AGPAT3: variants seen among roughly 807,000 people sequenced by gnomAD.
The protein encoded by AGPAT3 is 1-acylglycerol-3-phosphate O-acyltransferase 3.
In AGPAT3, 5 loss-of-function variants were observed where a neutral mutation model predicts 47.3. The ratio of observed to expected loss-of-function variants is 0.11; its 90% CI spans 0.06 to 0.22. The LOEUF (loss-of-function observed/expected upper bound fraction) is 0.22. Among genes scored for constraint, AGPAT3 ranks in the 10% least tolerant of loss-of-function variants. The probability of loss-of-function intolerance (pLI) is 1.00; values close to 1 mark genes in which losing one functional copy is unlikely to be tolerated. For missense variants in AGPAT3, 315 were observed against 493.0 expected, an observed-to-expected ratio of 0.64 and a Z score of 3.42; for synonymous variants, 212 against 208.3, an observed-to-expected ratio of 1.02 and a Z score of -0.15.
intron 1 of AGPAT3, among the ~76,000 whole-genome samples, chr21:43,887,588 A>G (rs909236316): frequency 1.3e-5 from 2 of 151,906 alleles, no homozygotes; most frequent in Non-Finnish European, 2.9e-5. Context: ...GCGCACACGC[A>G]CACACACACA....
At chr21:43,888,189 A>C (rs1161397821) in intron 1 of AGPAT3, among the ~76,000 whole-genome samples, 1 of 152,042 alleles carries the variant, frequency 6.6e-6, no homozygotes, top group Non-Finnish European at 1.5e-5. Context: ...ACAGGTGCAC[A>C]CCACCACACC....
At chr21:43,942,945 G>A (rs2087715055) in intron 2 of AGPAT3, among the ~76,000 whole-genome samples, 1 of 152,250 alleles carries the variant, frequency 6.6e-6, no homozygotes, top group African/African-American at 2.4e-5. Flanking sequence ...CTTGCCTGTT[G>A]GGGATGGAGG....
intron 2 of AGPAT3, among the ~76,000 whole-genome samples, chr21:43,953,807 T>C (rs1474505168): frequency 6.6e-6 from 1 of 152,194 alleles, no homozygotes; most frequent in African/African-American, 2.4e-5. Context: ...TGCCAGACTT[T>C]ACACCCCTTG....
intron 2 of AGPAT3, among the ~76,000 whole-genome samples, chr21:43,912,998 C>T (rs529585308): frequency 6.6e-6 from 1 of 152,302 alleles, no homozygotes; most frequent in South Asian, 2.1e-4. Flanking sequence ...GAGAGGCAGA[C>T]ATTGAGGACG....
At chr21:43,919,045 TC>T (rs1294942797) in intron 2 of AGPAT3, among the ~76,000 whole-genome samples, 1 of 152,222 alleles carries the variant, frequency 6.6e-6, no homozygotes, top group Non-Finnish European at 1.5e-5. Context: ...TGTTTTTATT[TC>T]CTGTTTCTCC....
chr21:43,923,463 G>A (rs747988256), intron 2 of AGPAT3, among the ~76,000 whole-genome samples: 3 of 152,178 alleles, frequency 2.0e-5, no homozygotes, highest in African/African-American at 4.8e-5. Flanking sequence ...CAGTGCTCCA[G>A]GGCACCCACC....
intron 2 of AGPAT3, among the ~76,000 whole-genome samples, chr21:43,942,881 C>T (rs1306558899): frequency 6.6e-6 from 1 of 152,156 alleles, no homozygotes; most frequent in African/African-American, 2.4e-5. Context: ...GTTCTGTCTC[C>T]CGTCACCTGT....
chr21:43,925,190 G>C (rs2087015480), intron 2 of AGPAT3: 1 of 152,598 alleles, frequency 6.6e-6, no homozygotes, highest in South Asian at 2.1e-4. Context: ...CGTAGGCACT[G>C]TCCCGGGCCC....
intron 1 of AGPAT3, among the ~76,000 whole-genome samples, chr21:43,895,291 T>C (rs2086190439): frequency 6.6e-6 from 1 of 151,842 alleles, no homozygotes; most frequent in African/African-American, 2.4e-5. Context: ...ATTTTTTTAT[T>C]AGAGACAGTG....
rs71334019 is a variant in AGPAT3 at position 43,905,155 on chromosome 21, ATATTTATTTATTTATTTATTTATTTATT to A, written c.-49+1162_-49+1189del. ...TTTAGTGTCTCTTTTTTTAAAAAAA[ATATTTATTTATTTATTTATTTATTTATT>A]TATTTATTTATTTATTTATTTATTT... On this transcript the variant is annotated intron_variant, in intron 2 of 9. Transcript: ENST00000291572. Among the ~76,000 whole-genome samples the A allele has an allele frequency of 4.6e-4, 64 of 138,542 alleles. 3 individuals are homozygous for A. Among genetic ancestry groups the A allele is most frequent in the African/African-American group, 1.1e-4 (4 of 37,722 alleles). 90.9% of individuals were successfully genotyped at this position (138,542 alleles called of 152,430 possible). A position where few individuals can be genotyped will look rare whatever the true frequency, so the allele number is the denominator to read the frequency against.
rs1338234144 is a variant in AGPAT3 at position 43,932,459 on chromosome 21, GAATAAT to G, written c.-48-27172_-48-27167del. 3.9e-5 allele frequency among the ~76,000 whole-genome samples: 6 copies of G among 152,176 alleles called. No homozygotes were observed. The highest frequency in any genetic ancestry group is 1.4e-4 in the African/African-American group (6 of 41,434). On this transcript the variant is annotated intron_variant, in intron 2 of 9. Coordinates refer to ENST00000291572, the MANE Select transcript of AGPAT3 (RefSeq NM_020132.5). The surrounding 1 kb of genome is among the most constrained non-coding windows in gnomAD (Gnocchi z 5.2). ...CAGGACTTCCTTCTTCCTTATGGCT[GAATAAT>G]AACACGGCGTTACGCACCGCACGCT...
At chr21:43,899,966 C>G (rs2086314109) in intron 1 of AGPAT3, among the ~76,000 whole-genome samples, 1 of 152,216 alleles carries the variant, frequency 6.6e-6, no homozygotes, top group Non-Finnish European at 1.5e-5. Flanking sequence ...CTTCTTTTTG[C>G]TGATTAAGTG....
rs1047315491 is a variant in AGPAT3, at chr21:43,903,487, C to T, written c.-111-470C>T. Among the ~76,000 whole-genome samples the T allele has an allele frequency of 2.0e-5, 3 of 152,162 alleles. 1 individual carries two copies. Among genetic ancestry groups the T allele is most frequent in the Admixed American group, 6.5e-5 (1 of 15,274 alleles). On this transcript the variant is annotated intron_variant, in intron 1 of 9. Coordinates refer to ENST00000291572, the MANE Select transcript of AGPAT3 (RefSeq NM_020132.5). ...GGCAGGCAGGCTAATGGTCTGCTGG[C>T]GGGGGCTGGGCTGGGCTGGATTTTG... is the stretch of plus-strand genomic sequence containing the variant.
At chr21:43,905,154 AATATTTATTTATTTAT>A (rs974178530) in intron 2 of AGPAT3, among the ~76,000 whole-genome samples, 17 of 115,286 alleles carry the variant, frequency 1.5e-4, no homozygotes, top group Admixed American at 6.5e-4. Context: ...TTTTAAAAAA[AATATTTATTTATTTAT>A]TTATTTATTT....
At chr21:43,948,852 A>C (rs1196254780) in intron 2 of AGPAT3, among the ~76,000 whole-genome samples, 2 of 152,246 alleles carry the variant, frequency 1.3e-5, no homozygotes. Flanking sequence ...TGCTTCATGC[A>C]CATGGGATCC....
At chr21:43,895,533 TATTTC>T (rs1220513782) in intron 1 of AGPAT3, among the ~76,000 whole-genome samples, 3 of 148,730 alleles carry the variant, frequency 2.0e-5, no homozygotes, top group African/African-American at 7.5e-5. Context: ...TTTTTTTTAC[TATTTC>T]ATTCAACATA....
Position 43,981,000 on chromosome 21 carries a change from G to A in AGPAT3, c.855G>A (p.Gln285=), listed in dbSNP as rs781337987. ...HKLYQEKDAL[Q]EIYNQKGMFP... is the part of the protein sequence containing the mutation. Reference sequence around the variant, plus strand: ...GTTGACTCTTCTAGGACGCGCTCCAGGAGATATATAATCAGAAGGGCATGT... The same window carrying A: ...GTTGACTCTTCTAGGACGCGCTCCAAGAGATATATAATCAGAAGGGCATGT... The change falls in exon 9 of 10, where the codon CAG becomes CAA. Residue 285 remains glutamine, a synonymous_variant. Transcript: ENST00000291572. 6.2e-7 allele frequency: 1 copy of A among 1,614,142 alleles called. No individual in the cohort carries two copies. Among genetic ancestry groups the A allele is most frequent in the East Asian group, 2.2e-5 (1 of 44,874 alleles).
chr21:43,963,293 C>T (rs2088964208), intron 3 of AGPAT3, among the ~76,000 whole-genome samples: 1 of 152,168 alleles, frequency 6.6e-6, no homozygotes, highest in Non-Finnish European at 1.5e-5. Context: ...AGAGAGGATG[C>T]CTGAGGACCT....
intron 2 of AGPAT3, among the ~76,000 whole-genome samples, chr21:43,918,071 G>T (rs2086792146): frequency 6.9e-6 from 1 of 144,498 alleles, no homozygotes; most frequent in African/African-American, 2.6e-5. Flanking sequence ...TTGGGGTTGT[G>T]GGTGTTGTGG....
Sources: gnomAD v4.1 joint callset for allele counts (sites outside exome capture counted in the v4.1 genomes callset) on GRCh38, gnomAD v4.1.1 for gene constraint, Gnocchi (gnomAD v3.1) non-coding constraint, MANE v1.5 for transcripts, NCBI Gene and HGNC (gene_info 2026-07-23, HGNC 2026-07-21) for gene names.